Variants in UBIAD1 observed in about 807,000 individuals in gnomAD.
UBIAD1 encodes ubiA prenyltransferase domain-containing protein 1.
UBIAD1 carries 12 observed loss-of-function variants against 20.1 expected under a neutral mutation model. The observed-to-expected ratio is 0.60, with a 90% CI of 0.38 to 0.97. The LOEUF (loss-of-function observed/expected upper bound fraction) is 0.97, where lower values mean the gene tolerates loss of function less well. UBIAD1 is among the 50% of genes least tolerant of loss of function. The probability of loss-of-function intolerance (pLI) is 0.00; values close to 1 mark genes in which losing one functional copy is unlikely to be tolerated. For missense variants in UBIAD1, 333 were observed against 419.5 expected, an observed-to-expected ratio of 0.79 and a Z score of 1.80; for synonymous variants, 207 against 189.2, an observed-to-expected ratio of 1.09 and a Z score of -0.77.
chr1:11,296,896 G>A (rs941415321), downstream of UBIAD1, among the ~76,000 whole-genome samples: 3 of 152,098 alleles, frequency 2.0e-5, no homozygotes, highest in Non-Finnish European at 4.4e-5. Flanking sequence ...CAAGGCAGAG[G>A]GCCCATGGCT....
chr1:11,284,885 T>C (rs1177496709), intron 1 of UBIAD1, among the ~76,000 whole-genome samples: 1 of 152,012 alleles, frequency 6.6e-6, no homozygotes, highest in African/African-American at 2.4e-5. Context: ...TGTTGCAGTA[T>C]CCCAGGCATA....
At chr1:11,288,918 AAAAAC>A (rs1638316580), downstream of UBIAD1, among the ~76,000 whole-genome samples, 1 of 152,124 alleles carries the variant, frequency 6.6e-6, no homozygotes, top group Non-Finnish European at 1.5e-5. Flanking sequence ...TCTCAAAAAA[AAAAAC>A]AAAACAAAAA....
chr1:11,277,263 C>T (rs899114675), intron 1 of UBIAD1, among the ~76,000 whole-genome samples: 4 of 150,072 alleles, frequency 2.7e-5, no homozygotes, highest in African/African-American at 9.8e-5. Context: ...AAATCAAACA[C>T]ATTTGTGACA....
downstream of UBIAD1, chr1:11,291,922 G>T (rs765477064): frequency 7.2e-5 from 11 of 152,000 alleles, no homozygotes; most frequent in Non-Finnish European, 1.5e-4. Context: ...GGCTTCAAAG[G>T]GTAAAACTAG....
chr1:11,281,818 A>G (rs1370271895), intron 1 of UBIAD1, among the ~76,000 whole-genome samples: 2 of 152,132 alleles, frequency 1.3e-5, no homozygotes, highest in African/African-American at 2.4e-5. Context: ...GGAACCTTTC[A>G]CTATGAACTA....
intron 1 of UBIAD1, among the ~76,000 whole-genome samples, chr1:11,275,802 A>G (rs1382799084): frequency 6.6e-6 from 1 of 152,112 alleles, no homozygotes; most frequent in Non-Finnish European, 1.5e-5. Flanking sequence ...GGAGTTGGCC[A>G]AGCAGATATC....
At chr1:11,282,367 T>C (rs1377577820) in intron 1 of UBIAD1, among the ~76,000 whole-genome samples, 2 of 152,102 alleles carry the variant, frequency 1.3e-5, no homozygotes, top group African/African-American at 4.8e-5. Flanking sequence ...AATTCCCAGA[T>C]GGGCCACGTC....
chr1:11,277,108 A>G (rs537055477), intron 1 of UBIAD1, among the ~76,000 whole-genome samples: 42 of 151,876 alleles, frequency 2.8e-4, no homozygotes, highest in African/African-American at 9.9e-4. Flanking sequence ...ATGGTGGTGC[A>G]TGCCTGTAGT....
At chr1:11,274,197 T>G in intron 1 of UBIAD1, 137 bp downstream of exon 1, 1 of 1,143,258 alleles carries the variant, frequency 8.7e-7, no homozygotes, top group Non-Finnish European at 1.3e-6. Context: ...TAATTGTGGG[T>G]GATGTGAATT....
chr1:11,277,479 C>A (rs1652085847), intron 1 of UBIAD1, among the ~76,000 whole-genome samples: 1 of 151,770 alleles, frequency 6.6e-6, no homozygotes, highest in Admixed American at 6.6e-5. Context: ...GCCATGTTGG[C>A]CAGGCTGGTC....
At chr1:11,274,128 A>G in intron 1 of UBIAD1, 68 bp downstream of exon 1, 1 of 1,584,328 alleles carries the variant, frequency 6.3e-7, no homozygotes, top group Middle Eastern at 1.7e-4. Context: ...TGCTTTGTAA[A>G]GGAGTTATAG....
Position 11,285,542 on chromosome 1 carries a change from T to C in UBIAD1, c.530-102T>C, listed in dbSNP as rs1638244156. ...AGTGCCCACCTGCACAGTCTAAGGA[T>C]TTACCATTTTCAGCCGGAAGTGGCC... On this transcript the variant is annotated intron_variant, in intron 1 of 1. Coordinates refer to ENST00000376810, the MANE Select transcript of UBIAD1 (RefSeq NM_013319.3). This position sits in a 1 kb window ranked among gnomAD's most constrained non-coding sequence, Gnocchi z 4.4. 6.4e-7 allele frequency: 1 copy of C among 1,572,178 alleles called. No homozygotes were observed. The highest frequency in any genetic ancestry group is 1.3e-5 in the African/African-American group (1 of 74,282).
chr1:11,299,378 C>T (rs557367262), downstream of UBIAD1, among the ~76,000 whole-genome samples: 2 of 152,158 alleles, frequency 1.3e-5, no homozygotes, highest in South Asian at 2.1e-4. Context: ...GTGACTTGCT[C>T]GGGATCACAA....
chr1:11,293,883 C>A (rs1256453230), intron 1 of UBIAD1, among the ~76,000 whole-genome samples: 1 of 152,168 alleles, frequency 6.6e-6, no homozygotes, highest in Non-Finnish European at 1.5e-5. Context: ...ACCATGTTGG[C>A]CAGGCTGGTT....
rs1191343206 is a variant in UBIAD1 at position 11,285,627 on chromosome 1, G to C, written c.530-17G>C. 1.2e-6 allele frequency: 2 copies of C among 1,613,972 alleles called. No homozygotes were observed. Among genetic ancestry groups the C allele is most frequent in the Non-Finnish European group, 8.5e-7 (1 of 1,180,050 alleles). ...AGCCTTGGTCTCACACCAACTCTCT[G>C]GATTTTCTGGCCGCAGGAATTGGAT... On this transcript the variant is annotated splice_polypyrimidine_tract_variant and intron_variant, in intron 1 of 1. Coordinates refer to ENST00000376810, the MANE Select transcript of UBIAD1 (RefSeq NM_013319.3). This position sits in a 1 kb window ranked among gnomAD's most constrained non-coding sequence, Gnocchi z 4.4.
intron 1 of UBIAD1, among the ~76,000 whole-genome samples, chr1:11,284,428 A>G (rs1652341474): frequency 1.3e-5 from 2 of 151,756 alleles, no homozygotes; most frequent in Non-Finnish European, 2.9e-5. Flanking sequence ...GTTTAAGTGT[A>G]TGTTGGGGGA....
At chr1:11,282,989 T>G (rs1652294023) in intron 1 of UBIAD1, among the ~76,000 whole-genome samples, 1 of 151,566 alleles carries the variant, frequency 6.6e-6, no homozygotes. Context: ...GCCTCCCGAG[T>G]AGCTGGGATT....
chr1:11,298,734 C>G (rs1638486971), downstream of UBIAD1, among the ~76,000 whole-genome samples: 1 of 152,126 alleles, frequency 6.6e-6, no homozygotes, highest in South Asian at 2.1e-4. This position sits in a 1 kb window ranked among gnomAD's most constrained non-coding sequence, Gnocchi z 4.0. Flanking sequence ...TGAAGGGAAC[C>G]CAATGCAGTG....
chr1:11,284,942 G>A (rs984896196), intron 1 of UBIAD1, among the ~76,000 whole-genome samples: 7 of 152,138 alleles, frequency 4.6e-5, no homozygotes, highest in Non-Finnish European at 7.4e-5. Flanking sequence ...GGGTGGCCCC[G>A]GGGATGGAGA....
Sources: allele counts gnomAD v4.1 joint callset (sites outside exome capture counted in the v4.1 genomes callset), GRCh38; gene constraint gnomAD v4.1.1; non-coding constraint Gnocchi (gnomAD v3.1); transcripts MANE v1.5; gene names NCBI Gene and HGNC (gene_info 2026-07-23, HGNC 2026-07-21).